EFHC2: variants seen among roughly 807,000 people sequenced by gnomAD.
The protein encoded by EFHC2 is EF-hand domain containing 2.
A neutral mutation model predicts 52.7 loss-of-function variants in EFHC2; 18 were observed. The observed-to-expected ratio is 0.34, with a 90% CI of 0.24 to 0.51. The LOEUF is 0.51. Ranked by LOEUF, EFHC2 falls within the 20% of genes least tolerant of loss-of-function variation. The pLI is 0.97. For missense variants in EFHC2, 513 were observed against 562.5 expected (o/e 0.91, Z 0.89); for synonymous variants, 203 against 204.1 (o/e 0.99, Z 0.04).
chrX:44,190,281 G>C (rs1008598561), intron 11 of EFHC2, among the ~76,000 whole-genome samples: 4 of 111,943 alleles, frequency 3.6e-5, no homozygotes, highest in African/African-American at 9.7e-5. Flanking sequence ...CAGCAGCAGT[G>C]TTTGGCAGTG....
intron 12 of EFHC2, among the ~76,000 whole-genome samples, 161 bp from the exon 13 acceptor site, chrX:44,176,545 A>G (rs2036788940): frequency 8.9e-6 from 1 of 112,200 alleles, no homozygotes; most frequent in Non-Finnish European, 1.9e-5. Flanking sequence ...GAACAGTCAC[A>G]TTTCATTTCA....
intron 13 of EFHC2, among the ~76,000 whole-genome samples, chrX:44,171,630 G>T (rs2036746666): frequency 8.9e-6 from 1 of 111,787 alleles, no homozygotes; most frequent in Non-Finnish European, 1.9e-5. Flanking sequence ...AAATAGTCAT[G>T]CCTCTAAATT....
chrX:44,339,291 G>A (rs1210156209), intron 1 of EFHC2, among the ~76,000 whole-genome samples: 1 of 111,505 alleles, frequency 9.0e-6, no homozygotes, highest in African/African-American at 3.3e-5. Context: ...CTGCAGAAAG[G>A]ATTTTTGGCT....
At chrX:44,154,841 C>T (rs2036595737) in intron 14 of EFHC2, among the ~76,000 whole-genome samples, 1 of 112,069 alleles carries the variant, frequency 8.9e-6, no homozygotes, top group Admixed American at 9.5e-5. Flanking sequence ...TTCACTCCTC[C>T]CCCAAAAATG....
At chrX:44,156,055 C>G (rs929551837) in intron 14 of EFHC2, among the ~76,000 whole-genome samples, 3 of 112,222 alleles carry the variant, frequency 2.7e-5, no homozygotes, top group Non-Finnish European at 5.6e-5. Context: ...AAAAGACAGG[C>G]GTAGTTTCTA....
chrX:44,329,015 G>A (rs757100165), intron 1 of EFHC2, among the ~76,000 whole-genome samples: 1 of 111,387 alleles, frequency 9.0e-6, no homozygotes, highest in East Asian at 2.8e-4. Flanking sequence ...TGCTTTGTTT[G>A]TGCATTTTGT....
At chrX:44,249,649 T>C (rs2037427272) in intron 5 of EFHC2, among the ~76,000 whole-genome samples, 1 of 111,988 alleles carries the variant, frequency 8.9e-6, no homozygotes, top group Admixed American at 9.4e-5. Flanking sequence ...CAACTCTTTT[T>C]AATGTTAAAT....
intron 2 of EFHC2, among the ~76,000 whole-genome samples, chrX:44,288,579 A>G (rs897608908): frequency 2.7e-5 from 3 of 111,331 alleles, no homozygotes; most frequent in African/African-American, 9.8e-5. Flanking sequence ...AATTAATACT[A>G]TTCACTTCAT....
At chrX:44,175,890 C>T (rs1316302802) in intron 13 of EFHC2, among the ~76,000 whole-genome samples, 2 of 111,562 alleles carry the variant, frequency 1.8e-5, no homozygotes, top group Non-Finnish European at 3.8e-5. Context: ...ACATCTGGTG[C>T]TCTATCAGGA....
intron 4 of EFHC2, among the ~76,000 whole-genome samples, chrX:44,254,264 G>T (rs2037475612): frequency 8.9e-6 from 1 of 112,043 alleles, no homozygotes; most frequent in African/African-American, 3.2e-5. Flanking sequence ...ACTGGACGGA[G>T]AATGAGTTTG....
chrX:44,206,168 A>T (rs142232495), intron 11 of EFHC2, among the ~76,000 whole-genome samples: 49 of 111,901 alleles, frequency 4.4e-4, no homozygotes, highest in Non-Finnish European at 8.5e-4. Flanking sequence ...ATTTGAAACA[A>T]ATGAAAACAG....
At chrX:44,168,298 C>T (rs916578494) in intron 13 of EFHC2, among the ~76,000 whole-genome samples, 3 of 111,582 alleles carry the variant, frequency 2.7e-5, no homozygotes, top group Non-Finnish European at 5.7e-5. Flanking sequence ...TTTGGGAGGC[C>T]GAGGTGGGCG....
intron 3 of EFHC2, among the ~76,000 whole-genome samples, chrX:44,269,004 G>C (rs540607543): frequency 1.8e-5 from 2 of 110,793 alleles, no homozygotes; most frequent in African/African-American, 6.6e-5. Flanking sequence ...AGAACAATGA[G>C]GACAGTTCAT....
rs1454374850 is a variant in EFHC2, at chrX:44,235,339, G to A, written c.1389C>T (p.Thr463=). 8.4e-7 allele frequency: 1 copy of A among 1,184,877 alleles called. No homozygotes were observed. Among genetic ancestry groups the A allele is most frequent in the South Asian group, 1.9e-5 (1 of 52,670 alleles). ...FVISYYLGDD[T]ISVFEPIERN... ...TCTCTATAGGTTCAAACACTGAAAT[G>A]GTGTCATCACCGAGATAATATGAAA... The change falls in exon 9 of 15, where the codon ACC becomes ACT. Residue 463 remains threonine (T), a synonymous_variant. Transcript: ENST00000420999.
At chrX:44,274,338 C>T (rs746077200) in intron 2 of EFHC2, among the ~76,000 whole-genome samples, 4 of 111,894 alleles carry the variant, frequency 3.6e-5, no homozygotes, top group Non-Finnish European at 7.5e-5. Context: ...AATGCTGTCA[C>T]ATTTGTATTG....
rs776772685 is a variant in EFHC2 at position 44,250,412 on chromosome X, C to T, written c.640G>A (p.Glu214Lys). The T allele has an allele frequency of 3.8e-5, 46 of 1,206,576 alleles. No homozygotes were observed. Among genetic ancestry groups the T allele is most frequent in the South Asian group, 1.1e-4 (6 of 56,180 alleles). The change falls in exon 5 of 15, where the codon GAA becomes AAA. Residue 214 changes from glutamate to lysine, a missense_variant. Coordinates refer to ENST00000420999, the MANE Select transcript of EFHC2 (RefSeq NM_025184.4). ...VEHVEPLRPYESLDTLKQFLQ... is the reference protein window; with the variant it reads ...VEHVEPLRPYKSLDTLKQFLQ... The stretch of plus-strand genomic sequence containing the variant: ...AACTGTTTCAGGGTGTCGAGGGATT[C>T]GTAGGGACGTAAGGGCTCTACGTGT...
Position 44,176,273 on chromosome X carries a change from G to A in EFHC2, c.2042+19C>T, listed in dbSNP as rs776459837. The A allele has an allele frequency of 8.7e-7, 1 of 1,146,765 alleles. No homozygotes were observed. The highest frequency in any genetic ancestry group is 1.9e-5 in the South Asian group (1 of 52,161). 94.5% of individuals were successfully genotyped at this position (1,146,765 alleles called of 1,213,427 possible). On this transcript the variant is annotated intron_variant, in intron 13 of 14. Coordinates refer to ENST00000420999, the MANE Select transcript of EFHC2 (RefSeq NM_025184.4). ...AACTATGCAGGACAATCCCTATCAA[G>A]AGTGGAACTCTAACTTACCTTGACA...
At chrX:44,332,660 G>C (rs1460716098) in intron 1 of EFHC2, among the ~76,000 whole-genome samples, 1 of 111,332 alleles carries the variant, frequency 9.0e-6, no homozygotes, top group East Asian at 2.8e-4. Context: ...ATCCTACTGA[G>C]GGGAGAATGG....
chrX:44,167,963 C>A (rs1354298452), intron 13 of EFHC2, among the ~76,000 whole-genome samples: 1 of 111,501 alleles, frequency 9.0e-6, no homozygotes, highest in Non-Finnish European at 1.9e-5. Flanking sequence ...AGGTTATAAC[C>A]CACAATGACA....
Sources: gnomAD v4.1 joint callset for allele counts (sites outside exome capture counted in the v4.1 genomes callset) on GRCh38, gnomAD v4.1.1 for gene constraint, MANE v1.5 for transcripts, NCBI Gene and HGNC (gene_info 2026-07-23, HGNC 2026-07-21) for gene names.